Variants in SRGAP1 observed in about 807,000 individuals in gnomAD.
The protein encoded by SRGAP1 is SLIT-ROBO Rho GTPase-activating protein 1.
In SRGAP1, 43 loss-of-function variants were observed where a neutral mutation model predicts 121.9. That is an observed-to-expected ratio of 0.35 (90% CI 0.28 to 0.46). SRGAP1 has a LOEUF of 0.46. Ranked by LOEUF, SRGAP1 falls within the 20% of genes least tolerant of loss-of-function variation. SRGAP1 has a pLI of 1.00. For missense variants in SRGAP1, 1,102 were observed against 1,350.9 expected (o/e 0.82, Z 2.89); for synonymous variants, 447 against 485.4 (o/e 0.92, Z 1.04).
In SRGAP1 at chr12:64,143,655, A is replaced by G. The variant is rs2037003318; in HGVS notation, c.*983A>G. ...TCACCTAGGTTCCTTTAAACATGCT[A>G]CAAAGCCCAGGCATGGTGGTGCACA... On this transcript the variant is annotated 3_prime_UTR_variant, in exon 22 of 22. Coordinates refer to ENST00000355086, the MANE Select transcript of SRGAP1 (RefSeq NM_020762.4). 2 of 152,166 alleles carry G rather than the reference A, an allele frequency of 1.3e-5. No homozygotes were observed. The highest frequency in any genetic ancestry group is 4.8e-5 in the African/African-American group (2 of 41,396). The allele number at this position is 152,166 out of a possible 1,614,324, so 9.4% of individuals were successfully genotyped here. A position where few individuals can be genotyped will look rare whatever the true frequency, so the allele number is the denominator to read the frequency against.
At chr12:63,947,368 A>AT (rs890958834) in intron 1 of SRGAP1, among the ~76,000 whole-genome samples, 14 of 152,080 alleles carry the variant, frequency 9.2e-5, no homozygotes, top group African/African-American at 2.9e-4. Context: ...CTTAATTTGC[A>AT]TTTTCCTAGC....
chr12:64,044,933 G>C (rs1352267430), intron 6 of SRGAP1, among the ~76,000 whole-genome samples: 1 of 151,908 alleles, frequency 6.6e-6, no homozygotes, highest in South Asian at 2.1e-4. Context: ...ACCTGCCTCA[G>C]CCTCCAGAAG....
At chr12:64,072,650 C>G (rs1054925272) in intron 8 of SRGAP1, among the ~76,000 whole-genome samples, 6 of 152,120 alleles carry the variant, frequency 3.9e-5, no homozygotes, top group African/African-American at 1.4e-4. Context: ...CCCTCCCATC[C>G]CTCAGAAAGA....
At chr12:63,938,160 G>A (rs1043557827) in intron 1 of SRGAP1, among the ~76,000 whole-genome samples, 1 of 152,226 alleles carries the variant, frequency 6.6e-6, no homozygotes, top group African/African-American at 2.4e-5. Context: ...ATGCACAGGA[G>A]AGTAGAGATG....
chr12:63,974,294 A>G (rs1289561127), intron 1 of SRGAP1, among the ~76,000 whole-genome samples: 1 of 152,186 alleles, frequency 6.6e-6, no homozygotes, highest in African/African-American at 2.4e-5. Flanking sequence ...GTAGGCCAAA[A>G]TATAATATTT....
chr12:63,948,456 C>T lies in SRGAP1; in HGVS notation c.68-35491C>T, dbSNP rs965902617. ...GCTGGTGTCTCCCACAGTCCAGTGT[C>T]AGGGACACAGTCATCTCTGTCTTGG... is the stretch of plus-strand genomic sequence containing the variant. On this transcript the variant is annotated intron_variant, in intron 1 of 21. Transcript: ENST00000355086. 1.3e-4 allele frequency among the ~76,000 whole-genome samples: 20 copies of T among 152,202 alleles called. 1 individual carries two copies. Among genetic ancestry groups the T allele is most frequent in the Non-Finnish European group, 4.4e-5 (3 of 68,040 alleles).
At position 64,123,814 on chromosome 12, in the gene SRGAP1, A is replaced by G. The variant is rs1209862168; in HGVS notation, c.2225-2163A>G. 5.3e-5 allele frequency among the ~76,000 whole-genome samples: 8 copies of G among 152,154 alleles called. No individual in the cohort carries two copies. The South Asian group carries it at 1.7e-3, about 32-fold the overall frequency. ...GCGAGAGCCACTGCACCCAGCCACT[A>G]AAAGATTTAAACTGTTGTTTTAAAC... is the stretch of plus-strand genomic sequence containing the variant. On this transcript the variant is annotated intron_variant, in intron 18 of 21. Coordinates refer to ENST00000355086, the MANE Select transcript of SRGAP1 (RefSeq NM_020762.4).
chr12:64,111,678 G>A, intron 16 of SRGAP1, 84 bp from the exon 17 acceptor site: 1 of 1,173,778 alleles, frequency 8.5e-7, no homozygotes, highest in African/African-American at 1.5e-5. Flanking sequence ...TCTTATTAAA[G>A]TATTGAAGTA....
chr12:64,102,790 C>A (rs2036279393), intron 15 of SRGAP1, among the ~76,000 whole-genome samples: 1 of 152,138 alleles, frequency 6.6e-6, no homozygotes, highest in African/African-American at 2.4e-5. Context: ...TGGGTACACA[C>A]TCCTATGTAC....
chr12:64,032,476 A>T, intron 4 of SRGAP1: 3 of 992,248 alleles, frequency 3.0e-6, no homozygotes, highest in Non-Finnish European at 4.8e-6. Context: ...TTTGTGGGTC[A>T]GAAGAGAACT....
chr12:63,902,766 G>A (rs887853144), intron 1 of SRGAP1, among the ~76,000 whole-genome samples: 1 of 152,116 alleles, frequency 6.6e-6, no homozygotes, highest in African/African-American at 2.4e-5. Flanking sequence ...TTATTATTTT[G>A]ATTAAAGACT....
At chr12:64,013,703 A>G (rs2034320547) in intron 3 of SRGAP1, among the ~76,000 whole-genome samples, 1 of 152,222 alleles carries the variant, frequency 6.6e-6, no homozygotes, top group African/African-American at 2.4e-5. Flanking sequence ...TCAGTTTCCT[A>G]AGGGATGTTT....
intron 15 of SRGAP1, among the ~76,000 whole-genome samples, chr12:64,102,207 A>T (rs1159909104): frequency 6.6e-6 from 1 of 152,230 alleles, no homozygotes; most frequent in Non-Finnish European, 1.5e-5. Flanking sequence ...GGCTTTTGCC[A>T]TTACTTTTAG....
At chr12:64,139,696 G>A (rs1435786837) in intron 21 of SRGAP1, among the ~76,000 whole-genome samples, 3 of 151,688 alleles carry the variant, frequency 2.0e-5, no homozygotes, top group Non-Finnish European at 4.4e-5. Context: ...TAGGTTGCCT[G>A]TTCACTCTGA....
chr12:64,097,392 T>C lies in SRGAP1; in HGVS notation c.1813+17T>C. On this transcript the variant is annotated intron_variant, in intron 15 of 21. Transcript: ENST00000355086. ...CTTGTATCAGTAAGTGGACATTTTT[T>C]TCATCTTTTCCCACAAGAATTATTT... 6.2e-7 allele frequency: 1 copy of C among 1,604,784 alleles called. No individual in the cohort carries two copies. Among genetic ancestry groups the C allele is most frequent in the Non-Finnish European group, 8.5e-7 (1 of 1,177,610 alleles).
At chr12:63,894,831 G>T (rs947567753) in intron 1 of SRGAP1, among the ~76,000 whole-genome samples, 1 of 152,090 alleles carries the variant, frequency 6.6e-6, no homozygotes, top group Admixed American at 6.5e-5. Flanking sequence ...ATAGTATTCC[G>T]TGGTGTATAT....
rs577053195 is a variant in SRGAP1 at position 63,895,478 on chromosome 12, C to T, written c.67+50595C>T. Among the ~76,000 whole-genome samples, 557 of 152,300 alleles carry T rather than the reference C, an allele frequency of 3.7e-3. 12 individuals are homozygous for T. The highest frequency in any genetic ancestry group is 1.8e-3 in the Non-Finnish European group (125 of 68,030). On this transcript the variant is annotated intron_variant, in intron 1 of 21. Coordinates refer to ENST00000355086, the MANE Select transcript of SRGAP1 (RefSeq NM_020762.4). ...AAATTTGGAAATGTACTGGACAGAG[C>T]AGATATATAACATTGCCATCATCAT...
At chr12:64,028,364 T>C (rs552678364) in intron 4 of SRGAP1, among the ~76,000 whole-genome samples, 2 of 152,368 alleles carry the variant, frequency 1.3e-5, no homozygotes, top group African/African-American at 4.8e-5. Flanking sequence ...CATGATTAAG[T>C]CTCTTTGCAG....
chr12:63,981,618 G>T (rs1827941085), intron 1 of SRGAP1, among the ~76,000 whole-genome samples: 1 of 152,286 alleles, frequency 6.6e-6, no homozygotes, highest in Non-Finnish European at 1.5e-5. Flanking sequence ...TACTTTGATT[G>T]ACTAAAAACC....
Sources: gnomAD v4.1 joint callset for allele counts (sites outside exome capture counted in the v4.1 genomes callset) on GRCh38, gnomAD v4.1.1 for gene constraint, MANE v1.5 for transcripts, NCBI Gene and HGNC (gene_info 2026-07-23, HGNC 2026-07-21) for gene names.